The following SCLT1 variants were observed in gnomAD, a reference collection of about 807,000 sequenced individuals.
SCLT1 encodes sodium channel and clathrin linker 1, also known as sodium channel-associated protein 1.
In SCLT1, 78 loss-of-function variants were observed where a neutral mutation model predicts 112.8. The ratio of observed to expected loss-of-function variants is 0.69; its 90% CI spans 0.58 to 0.83. SCLT1 has a LOEUF of 0.83. Ranked by LOEUF, SCLT1 falls within the 40% of genes least tolerant of loss-of-function variation. The pLI is 0.00. For synonymous variants in SCLT1, 257 were observed against 254.7 expected, an observed-to-expected ratio of 1.01 and a Z score of -0.09; for missense variants, 747 against 770.4, an observed-to-expected ratio of 0.97 and a Z score of 0.36.
chr4:128,886,013 T>C (rs955102313), intron 20 of SCLT1, among the ~76,000 whole-genome samples: 1 of 152,192 alleles, frequency 6.6e-6, no homozygotes, highest in Non-Finnish European at 1.5e-5. Context: ...TAGCCTTTTG[T>C]CATATATGGT....
chr4:128,891,027 G>C, intron 19 of SCLT1, 32 bp downstream of exon 19: 5 of 1,494,322 alleles, frequency 3.3e-6, no homozygotes, highest in Non-Finnish European at 4.7e-6. Context: ...TGCTGCAGCA[G>C]AAAGCACTTC....
At chr4:129,023,971 G>A (rs1745751731) in intron 5 of SCLT1, among the ~76,000 whole-genome samples, 1 of 152,230 alleles carries the variant, frequency 6.6e-6, no homozygotes, top group African/African-American at 2.4e-5. Context: ...CTGCAAGGCG[G>A]CAGCGAGGCT....
chr4:129,002,137 G>T (rs929876492), intron 6 of SCLT1, among the ~76,000 whole-genome samples: 2 of 151,892 alleles, frequency 1.3e-5, no homozygotes, highest in African/African-American at 4.8e-5. Context: ...CGAATTTTCA[G>T]ATAATTATCA....
intron 1 of SCLT1, 90 bp from the exon 2 acceptor site, chr4:129,082,463 T>C (rs955008722): frequency 9.1e-6 from 6 of 656,114 alleles, no homozygotes; most frequent in African/African-American, 5.5e-5. Flanking sequence ...ATGTATCCCA[T>C]GCAAAACGGC....
chr4:128,960,308 C>T (rs1426007627), intron 11 of SCLT1, among the ~76,000 whole-genome samples: 1 of 152,028 alleles, frequency 6.6e-6, no homozygotes, highest in Non-Finnish European at 1.5e-5. Flanking sequence ...TAAATATACA[C>T]ACATATTATA....
intron 5 of SCLT1, among the ~76,000 whole-genome samples, chr4:129,015,757 C>T (rs949956100): frequency 1.3e-5 from 2 of 152,118 alleles, no homozygotes; most frequent in Admixed American, 6.5e-5. Flanking sequence ...TTCAACTCAC[C>T]CATTCCCCCG....
chr4:129,020,639 T>C (rs908505370), intron 5 of SCLT1, among the ~76,000 whole-genome samples: 1 of 152,160 alleles, frequency 6.6e-6, no homozygotes. Flanking sequence ...TATGAACTGG[T>C]AAGAGGAACA....
intron 19 of SCLT1, 72 bp from the exon 20 acceptor site, chr4:128,888,846 GA>G: frequency 1.2e-6 from 1 of 813,210 alleles, no homozygotes; most frequent in South Asian, 1.6e-5. Flanking sequence ...AATAATCAAC[GA>G]AAAATCTGGA....
intron 17 of SCLT1, among the ~76,000 whole-genome samples, chr4:128,937,359 G>A (rs1055874880): frequency 2.0e-5 from 3 of 151,808 alleles, no homozygotes; most frequent in Non-Finnish European, 4.4e-5. Flanking sequence ...ATAATGTTAT[G>A]TCAGTAAAAC....
chr4:128,911,682 TTTAA>T (rs1215522900), intron 18 of SCLT1, among the ~76,000 whole-genome samples: 1 of 152,254 alleles, frequency 6.6e-6, no homozygotes, highest in Non-Finnish European at 1.5e-5. Flanking sequence ...GGTAATCATA[TTTAA>T]TTGTCAGTTG....
chr4:129,091,034 C>A (rs59089843), intron 1 of SCLT1, among the ~76,000 whole-genome samples: 2,183 of 152,106 alleles, frequency 0.014, 46 homozygotes, highest in African/African-American at 0.044. Flanking sequence ...AACAAAGAGA[C>A]AATCAAGATC....
At chr4:129,084,173 G>A (rs1369854798) in intron 1 of SCLT1, among the ~76,000 whole-genome samples, 1 of 152,050 alleles carries the variant, frequency 6.6e-6, no homozygotes, top group Non-Finnish European at 1.5e-5. Context: ...ACACTCTATT[G>A]GAGGTCTAAG....
At chr4:129,049,721 GTTTT>G (rs1334253992) in intron 2 of SCLT1, among the ~76,000 whole-genome samples, 1 of 151,308 alleles carries the variant, frequency 6.6e-6, no homozygotes, top group Admixed American at 6.6e-5. Flanking sequence ...GCAGTTGGCA[GTTTT>G]TTAATTTTTA....
At chr4:128,965,412 T>C (rs1175474172) in intron 10 of SCLT1, 94 bp from the exon 11 acceptor site, 2 of 762,004 alleles carry the variant, frequency 2.6e-6, no homozygotes, top group Non-Finnish European at 2.3e-6. Flanking sequence ...GCTATAAAGT[T>C]ATTATGCTAT....
chr4:129,029,428 C>CA (rs1267920060), intron 5 of SCLT1, among the ~76,000 whole-genome samples: 6 of 149,938 alleles, frequency 4.0e-5, no homozygotes, highest in Admixed American at 2.7e-4. Flanking sequence ...GTCTCAAGGA[C>CA]AAAAAACCAA....
chr4:128,965,010 T>G (rs1740052069), intron 11 of SCLT1, among the ~76,000 whole-genome samples: 1 of 152,210 alleles, frequency 6.6e-6, no homozygotes, highest in South Asian at 2.1e-4. Context: ...AAAATCATAT[T>G]AAACAAATTA....
intron 10 of SCLT1, among the ~76,000 whole-genome samples, chr4:128,968,950 T>G (rs570251324): frequency 6.6e-6 from 1 of 152,330 alleles, no homozygotes; most frequent in East Asian, 1.9e-4. Context: ...AATATCCAGC[T>G]GCCTTTCCAG....
intron 5 of SCLT1, among the ~76,000 whole-genome samples, chr4:129,036,113 T>C (rs1368007975): frequency 6.6e-6 from 1 of 152,046 alleles, no homozygotes; most frequent in African/African-American, 2.4e-5. Context: ...CAATATATAA[T>C]TAAAAGTAGG....
intron 2 of SCLT1, among the ~76,000 whole-genome samples, chr4:129,058,215 A>G (rs1749621450): frequency 6.6e-6 from 1 of 151,838 alleles, no homozygotes; most frequent in Non-Finnish European, 1.5e-5. Flanking sequence ...TTTAGTGCCA[A>G]TTTTGTCCAT....
Sources: gnomAD v4.1 joint callset for allele counts (sites outside exome capture counted in the v4.1 genomes callset) on GRCh38, gnomAD v4.1.1 for gene constraint, MANE v1.5 for transcripts, NCBI Gene and HGNC (gene_info 2026-07-23, HGNC 2026-07-21) for gene names.